ZNF705B: variants seen among roughly 807,000 people sequenced by gnomAD.
The protein encoded by ZNF705B is zinc finger protein 705B, also known as Putative zinc finger protein 705D-like protein LOC100132396.
A neutral mutation model predicts 10.5 loss-of-function variants in ZNF705B; 1 was observed. The ratio of observed to expected loss-of-function variants is 0.10; its 90% CI spans 0.03 to 0.45. The LOEUF (loss-of-function observed/expected upper bound fraction) is 0.45, where lower values mean the gene tolerates loss of function less well. ZNF705B is among the 20% of genes least tolerant of loss of function. The pLI is 0.97. For synonymous variants in ZNF705B, 4 were observed against 25.4 expected, an observed-to-expected ratio of 0.16 and a Z score of 2.53; for missense variants, 14 against 84.0, an observed-to-expected ratio of 0.17 and a Z score of 3.26.
chr8:7,932,129 G>C lies in ZNF705B; in HGVS notation c.-72+1693G>C, dbSNP rs1460390890. On this transcript the variant is annotated intron_variant, in intron 2 of 6. Transcript: ENST00000400120. ...CATAGACTCCAGGCAGCTCCCTATA[G>C]TAGTCTCAGGGCCTGCAAGGGCTGA... 2.5e-5 allele frequency among the ~76,000 whole-genome samples: 3 copies of C among 121,102 alleles called. 1 individual carries two copies. Among genetic ancestry groups the C allele is most frequent in the Non-Finnish European group, 5.9e-5 (3 of 50,496 alleles). 79.4% of individuals were successfully genotyped at this position (121,102 alleles called of 152,430 possible).
chr8:7,931,138 T>A (rs1819836331), intron 2 of ZNF705B, among the ~76,000 whole-genome samples: 1 of 120,908 alleles, frequency 8.3e-6, no homozygotes, highest in South Asian at 2.8e-4. Context: ...CAGGTGTGAG[T>A]CAGGTGGCTT....
intron 4 of ZNF705B, among the ~76,000 whole-genome samples, 170 bp downstream of exon 4, chr8:7,949,425 CTTTT>C (rs1246684905): frequency 1.8e-5 from 1 of 54,554 alleles, no homozygotes; most frequent in African/African-American, 4.6e-5. Context: ...AAATATCTTT[CTTTT>C]TATTTTATTT....
intron 1 of ZNF705B, among the ~76,000 whole-genome samples, chr8:7,928,437 C>T (rs1342780812): frequency 8.3e-6 from 1 of 120,684 alleles, no homozygotes; most frequent in African/African-American, 2.5e-5. Flanking sequence ...CTCGTCTCTG[C>T]TAGGTACTTC....
intron 2 of ZNF705B, among the ~76,000 whole-genome samples, chr8:7,932,006 G>A (rs548238728): frequency 5.8e-5 from 7 of 120,708 alleles, no homozygotes; most frequent in African/African-American, 1.8e-4. Flanking sequence ...TCTTTTGGGG[G>A]CTGGGCTCTC....
chr8:7,932,424 A>C (rs1819875056), intron 2 of ZNF705B, among the ~76,000 whole-genome samples: 1 of 121,134 alleles, frequency 8.3e-6, no homozygotes, highest in African/African-American at 2.5e-5. Flanking sequence ...AGTGCCTGGT[A>C]CCTCTAGTCA....
At chr8:7,927,808 G>A (rs1352870941) in intron 1 of ZNF705B, among the ~76,000 whole-genome samples, 1 of 147,090 alleles carries the variant, frequency 6.8e-6, no homozygotes, top group Non-Finnish European at 1.5e-5. Context: ...AAAGACCACA[G>A]CTTACATCAG....
chr8:7,932,053 G>A (rs1474235876), intron 2 of ZNF705B, among the ~76,000 whole-genome samples: 1 of 119,272 alleles, frequency 8.4e-6, no homozygotes, highest in African/African-American at 2.5e-5. Flanking sequence ...GTGTCTGGGG[G>A]CACGTGCAGA....
intron 1 of ZNF705B, among the ~76,000 whole-genome samples, chr8:7,927,572 AT>A (rs1190288773): frequency 2.0e-5 from 2 of 102,524 alleles, no homozygotes; most frequent in Middle Eastern, 0.011. Flanking sequence ...TTGGGTAGCA[AT>A]TGACTCTTCC....
At chr8:7,935,967 G>C (rs1242881359) in intron 2 of ZNF705B, among the ~76,000 whole-genome samples, 1 of 91,798 alleles carries the variant, frequency 1.1e-5, no homozygotes. Flanking sequence ...CCACTGACCT[G>C]TCTTGTGATA....
intron 2 of ZNF705B, among the ~76,000 whole-genome samples, chr8:7,937,036 C>G (rs1235160223): frequency 8.4e-6 from 1 of 118,614 alleles, no homozygotes; most frequent in Non-Finnish European, 2.0e-5. Context: ...GACACTATGT[C>G]TTTTCCGGCC....
intron 2 of ZNF705B, among the ~76,000 whole-genome samples, chr8:7,944,540 C>T (rs1206456133): frequency 0.012 from 846 of 71,656 alleles, 8 homozygotes; most frequent in African/African-American, 0.035. Context: ...TACTGCATTC[C>T]TAATACTTCA....
intron 2 of ZNF705B, among the ~76,000 whole-genome samples, chr8:7,937,628 G>T (rs143006084): frequency 2.6e-5 from 3 of 113,344 alleles, no homozygotes; most frequent in Non-Finnish European, 6.4e-5. Flanking sequence ...TTTAGCCAGG[G>T]TGACTATTTA....
intron 1 of ZNF705B, among the ~76,000 whole-genome samples, chr8:7,928,685 G>A (rs573072513): frequency 9.2e-4 from 76 of 82,644 alleles, no homozygotes; most frequent in African/African-American, 2.3e-3. Flanking sequence ...TCACCTAGTT[G>A]TAATCTATGC....
chr8:7,927,694 T>C (rs1170223288), intron 1 of ZNF705B, among the ~76,000 whole-genome samples: 1 of 142,208 alleles, frequency 7.0e-6, no homozygotes. Context: ...TTGCACAAGA[T>C]CACTCAGTTG....
At chr8:7,941,811 A>AT (rs1235916498) in intron 2 of ZNF705B, among the ~76,000 whole-genome samples, 4 of 62,622 alleles carry the variant, frequency 6.4e-5, no homozygotes, top group African/African-American at 1.9e-4. Context: ...TGCCCAGCTA[A>AT]TTTTTTGTAA....
chr8:7,940,251 CTT>C (rs1432427000), intron 2 of ZNF705B, among the ~76,000 whole-genome samples: 3 of 148,320 alleles, frequency 2.0e-5, no homozygotes, highest in African/African-American at 7.5e-5. Flanking sequence ...CCAACCCCCT[CTT>C]GTTTTATTTT....
chr8:7,936,537 A>C (rs1387276317), intron 2 of ZNF705B, among the ~76,000 whole-genome samples: 1 of 119,984 alleles, frequency 8.3e-6, no homozygotes, highest in African/African-American at 2.5e-5. Flanking sequence ...AATACTATGC[A>C]TCCATAAAAA....
chr8:7,930,896 G>T (rs569452994), intron 2 of ZNF705B, among the ~76,000 whole-genome samples: 37 of 129,994 alleles, frequency 2.8e-4, no homozygotes, highest in African/African-American at 8.7e-4. Context: ...TAGCTCTGTA[G>T]GCCAGGCTGC....
chr8:7,934,038 T>G (rs1298151107), intron 2 of ZNF705B, among the ~76,000 whole-genome samples: 1 of 137,246 alleles, frequency 7.3e-6, no homozygotes. Flanking sequence ...CCTCATGGGT[T>G]CAAACGATTC....
Sources: allele counts gnomAD v4.1 joint callset (sites outside exome capture counted in the v4.1 genomes callset), GRCh38; gene constraint gnomAD v4.1.1; transcripts MANE v1.5; gene names NCBI Gene and HGNC (gene_info 2026-07-23, HGNC 2026-07-21).